Variants in KIF1B observed in about 807,000 individuals in gnomAD.
The protein encoded by KIF1B is kinesin-like protein KIF1B.
Under a neutral mutation model 241.9 loss-of-function variants are expected in KIF1B, and 76 were observed. The ratio of observed to expected loss-of-function variants is 0.31; its 90% CI spans 0.26 to 0.38. The LOEUF (loss-of-function observed/expected upper bound fraction) is 0.38, where lower values mean the gene tolerates loss of function less well. KIF1B is among the 10% of genes least tolerant of loss of function. The pLI, the probability that KIF1B is intolerant of heterozygous loss-of-function variation, is 1.00. For missense variants in KIF1B, 1,622 were observed against 2,271.4 expected (o/e 0.71, Z 5.81); for synonymous variants, 750 against 796.7 (o/e 0.94, Z 0.99).
chr1:10,214,230 A>C (rs79249137), intron 1 of KIF1B, among the ~76,000 whole-genome samples: 362 of 152,128 alleles, frequency 2.4e-3, no homozygotes, highest in Non-Finnish European at 4.2e-3. Context: ...CTGAGGGTGC[A>C]TGTAGAGATT....
At position 10,365,057 on chromosome 1, in the gene KIF1B, G is replaced by C. The variant is rs1201049258; in HGVS notation, c.4367-43G>C. 7 of 1,506,030 alleles carry C rather than the reference G, an allele frequency of 4.6e-6. No homozygotes were observed. In the South Asian group the frequency reaches 5.8e-5, roughly 12 times the overall value. The allele number at this position is 1,506,030 out of a possible 1,614,324, so 93.3% of individuals were successfully genotyped here. A position where few individuals can be genotyped will look rare whatever the true frequency, so the allele number is the denominator to read the frequency against. ...TTCGTTTTGACCTAAACTTGGAATTGAATTTTTTTTCTGAAACAAAAACTT... is the reference window on the plus strand; with the variant it reads ...TTCGTTTTGACCTAAACTTGGAATTCAATTTTTTTTCTGAAACAAAAACTT... On this transcript the variant is annotated intron_variant, in intron 41 of 48. Coordinates refer to ENST00000676179, the MANE Select transcript of KIF1B (RefSeq NM_001365951.3). The surrounding 1 kb of genome is among the most constrained non-coding windows in gnomAD (Gnocchi z 4.0).
intron 3 of KIF1B, among the ~76,000 whole-genome samples, chr1:10,257,409 A>T (rs1345944769): frequency 4.7e-5 from 7 of 148,850 alleles, no homozygotes; most frequent in Non-Finnish European, 1.0e-4. Flanking sequence ...AGGGAGGTGG[A>T]GGTTGCAGTG....
At chr1:10,273,856 C>G (rs146795780) in intron 10 of KIF1B, among the ~76,000 whole-genome samples, 1 of 151,140 alleles carries the variant, frequency 6.6e-6, no homozygotes, top group Non-Finnish European at 1.5e-5. Flanking sequence ...TTGGATTATA[C>G]CAGGACTGAA....
chr1:10,298,252 T>C (rs1650365166), intron 22 of KIF1B, among the ~76,000 whole-genome samples: 1 of 152,218 alleles, frequency 6.6e-6, no homozygotes, highest in South Asian at 2.1e-4. Flanking sequence ...CACTGGCTTC[T>C]TTCCTTAGTA....
chr1:10,344,200 G>T (rs1380790717), intron 34 of KIF1B, among the ~76,000 whole-genome samples: 1 of 152,158 alleles, frequency 6.6e-6, no homozygotes, highest in East Asian at 1.9e-4. Context: ...CTCCGCTATT[G>T]CCACCTTCCA....
rs374098797 is a variant in KIF1B, at chr1:10,337,518, T to C, written c.3407T>C (p.Ile1136Thr). The C allele has an allele frequency of 1.7e-4, 275 of 1,614,084 alleles. No individual in the cohort carries two copies. The highest frequency in any genetic ancestry group is 2.3e-4 in the Non-Finnish European group (269 of 1,180,042). ...ASGILPEYAD[I>T]FCQFNFLHRH... Reference sequence around the variant, plus strand: ...GGAATCCTCCCAGAGTATGCAGATATCTTCTGTCAGTTCAAGTAAGCTGCC... The same window carrying C: ...GGAATCCTCCCAGAGTATGCAGATACCTTCTGTCAGTTCAAGTAAGCTGCC... The change falls in exon 31 of 49, where the codon ATC (isoleucine) becomes ACC (threonine). Residue 1136 changes from isoleucine (I) to threonine (T), a missense_variant. By Grantham distance (89) the Ile-to-Thr change is moderately conservative. Transcript: ENST00000676179. The surrounding 1 kb of genome is among the most constrained non-coding windows in gnomAD (Gnocchi z 4.0).
chr1:10,331,328 A>G (rs1391048384), intron 27 of KIF1B, among the ~76,000 whole-genome samples: 3 of 152,208 alleles, frequency 2.0e-5, no homozygotes, highest in Non-Finnish European at 4.4e-5. Context: ...CTGTTGCAGT[A>G]GTTGTTGTTT....
chr1:10,346,360 T>G (rs1298101551), intron 35 of KIF1B, among the ~76,000 whole-genome samples: 1 of 138,780 alleles, frequency 7.2e-6, no homozygotes, highest in African/African-American at 2.7e-5. Flanking sequence ...TTTTTGGGGT[T>G]TTTTTTGTTT....
Position 10,378,748 on chromosome 1 carries a change from C to A in KIF1B, c.*2161C>A. ...GGCTCATCTCTGAAGAACAGGTCTCCCAGCTTCGCTCCTTATCACTGCATT... is the reference window on the plus strand; with the variant it reads ...GGCTCATCTCTGAAGAACAGGTCTCACAGCTTCGCTCCTTATCACTGCATT... On this transcript the variant is annotated 3_prime_UTR_variant, in exon 49 of 49. Coordinates refer to ENST00000676179, the MANE Select transcript of KIF1B (RefSeq NM_001365951.3). The A allele has an allele frequency of 3.0e-6, 1 of 335,570 alleles. No homozygotes were observed. The highest frequency in any genetic ancestry group is 5.6e-6 in the Non-Finnish European group (1 of 178,578). 20.8% of individuals were successfully genotyped at this position (335,570 alleles called of 1,614,324 possible). A position where few individuals can be genotyped will look rare whatever the true frequency, so the allele number is the denominator to read the frequency against.
intron 14 of KIF1B, among the ~76,000 whole-genome samples, chr1:10,281,311 G>GT (rs138362973): frequency 0.019 from 2,857 of 152,156 alleles, 76 homozygotes; most frequent in African/African-American, 0.064. Context: ...TTTACCTTTG[G>GT]TATCTTTTTG....
chr1:10,272,398 T>G, intron 9 of KIF1B, 92 bp downstream of exon 9: 1 of 863,346 alleles, frequency 1.2e-6, no homozygotes, highest in Admixed American at 1.7e-5. Context: ...GCTGTCTTTT[T>G]GTGGCCCTTT....
intron 44 of KIF1B, among the ~76,000 whole-genome samples, chr1:10,370,283 C>T (rs2102356720): frequency 6.6e-6 from 1 of 151,870 alleles, no homozygotes; most frequent in Non-Finnish European, 1.5e-5. Flanking sequence ...CAGGAGAGGC[C>T]AGTGACAGTG....
intron 1 of KIF1B, among the ~76,000 whole-genome samples, chr1:10,225,678 T>A (rs551952841): frequency 2.0e-5 from 3 of 152,252 alleles, no homozygotes; most frequent in Admixed American, 1.3e-4. Flanking sequence ...AAGGGAAAGT[T>A]GGAGCAAAAA....
intron 9 of KIF1B, 121 bp from the exon 10 acceptor site, chr1:10,272,893 G>A: frequency 1.3e-6 from 1 of 769,464 alleles, no homozygotes; most frequent in South Asian, 1.9e-5. Flanking sequence ...AGAATGAAAT[G>A]CTTTCTTGCT....
At chr1:10,304,887 C>T (rs535448203) in intron 22 of KIF1B, 10 of 1,367,888 alleles carry the variant, frequency 7.3e-6, no homozygotes, top group African/African-American at 4.4e-5. Flanking sequence ...TTTTCTGAAA[C>T]GTTCCTCCTT....
intron 22 of KIF1B, chr1:10,305,464 A>T: frequency 9.4e-7 from 1 of 1,059,620 alleles, no homozygotes; most frequent in Non-Finnish European, 1.1e-6. Context: ...AGAAATACCA[A>T]CAAAAAACTT....
chr1:10,358,759 C>T (rs1638329946), intron 38 of KIF1B, among the ~76,000 whole-genome samples: 1 of 151,322 alleles, frequency 6.6e-6, no homozygotes, highest in Non-Finnish European at 1.5e-5. Flanking sequence ...CAGTGGATGT[C>T]GTCACCCAGT....
chr1:10,223,541 G>GTTTTTT (rs1423341392), intron 1 of KIF1B, among the ~76,000 whole-genome samples: 1 of 118,596 alleles, frequency 8.4e-6, no homozygotes, highest in African/African-American at 3.1e-5. Context: ...TTTTTGTTTT[G>GTTTTTT]TTTTGTTTTT....
chr1:10,321,657 T>G, intron 23 of KIF1B, 52 bp from the exon 24 acceptor site: 7 of 1,588,512 alleles, frequency 4.4e-6, no homozygotes, highest in Non-Finnish European at 6.1e-6. Context: ...AGAGGTGTAA[T>G]TTTTATATAG....
Sources: allele counts gnomAD v4.1 joint callset (sites outside exome capture counted in the v4.1 genomes callset), GRCh38; gene constraint gnomAD v4.1.1; non-coding constraint Gnocchi (gnomAD v3.1); transcripts MANE v1.5; gene names NCBI Gene and HGNC (gene_info 2026-07-23, HGNC 2026-07-21).